CUX2: variants seen among roughly 807,000 people sequenced by gnomAD.
The protein encoded by CUX2 is cut like homeobox 2, also known as homeobox protein cut-like 2.
A neutral mutation model predicts 144.8 loss-of-function variants in CUX2; 40 were observed. The observed-to-expected ratio is 0.28, with a 90% confidence interval of 0.21 to 0.36. CUX2 has a LOEUF of 0.36. Among genes scored for constraint, CUX2 ranks in the 10% least tolerant of loss-of-function variants. CUX2 has a pLI of 1.00. For missense variants in CUX2, 1,615 were observed against 1,994.0 expected, an observed-to-expected ratio of 0.81 and a Z score of 3.62; for synonymous variants, 827 against 875.6, an observed-to-expected ratio of 0.94 and a Z score of 0.98.
At chr12:111,258,281 G>A (rs1230238937) in intron 3 of CUX2, among the ~76,000 whole-genome samples, 1 of 152,214 alleles carries the variant, frequency 6.6e-6, no homozygotes, top group Admixed American at 6.5e-5. Context: ...GGGAGGCCAA[G>A]GCGGGCGGAT....
chr12:111,140,929 C>T (rs55971330), intron 1 of CUX2, among the ~76,000 whole-genome samples: 5,341 of 152,202 alleles, frequency 0.035, 193 homozygotes, highest in Admixed American at 0.1. Context: ...CCTCAGGTGA[C>T]GCCTGCAGGA....
intron 1 of CUX2, among the ~76,000 whole-genome samples, chr12:111,038,555 T>TC (rs1200479726): frequency 6.6e-6 from 1 of 152,236 alleles, no homozygotes; most frequent in African/African-American, 2.4e-5. Flanking sequence ...CCTCTGCCTC[T>TC]CCAAGTCCGT....
chr12:111,134,618 C>CTGTGTGTGTGTG lies in CUX2; in HGVS notation c.64-79581_64-79580insGTGTGTGTGTGT, dbSNP rs773865569. ...TTTCTCTCTCTCTCTCTCTCTCTCT[C>CTGTGTGTGTGTG]TCTGTGTGTGTGTGTGTGTGTGTGT... is the stretch of plus-strand genomic sequence containing the variant. On this transcript the variant is annotated intron_variant, in intron 1 of 21. Transcript: ENST00000261726. Among the ~76,000 whole-genome samples the CTGTGTGTGTGTG allele has an allele frequency of 2.2e-3, 324 of 146,194 alleles. 1 individual carries two copies. Among genetic ancestry groups the CTGTGTGTGTGTG allele is most frequent in the African/African-American group, 8.6e-3 (316 of 36,728 alleles).
rs529361086 is a variant in CUX2 at position 111,052,708 on chromosome 12, C to T, written c.63+18468C>T. 1.6e-4 allele frequency among the ~76,000 whole-genome samples: 25 copies of T among 152,122 alleles called. 2 individuals are homozygous for T. In the South Asian group the frequency reaches 4.2e-3, roughly 25 times the overall value. On this transcript the variant is annotated intron_variant, in intron 1 of 21. Coordinates refer to ENST00000261726, the MANE Select transcript of CUX2 (RefSeq NM_015267.4). ...GGGGATCTGTGTGTGTGTGTCAGTG[C>T]GTGTCTTTGTTTATTTGTGCACCTT...
chr12:111,099,864 C>T (rs1480719402), intron 1 of CUX2: 1 of 430,500 alleles, frequency 2.3e-6, no homozygotes, highest in Non-Finnish European at 4.7e-6. Flanking sequence ...GACCGTCTGG[C>T]TCAATCGAGA....
chr12:111,284,940 C>T (rs1241703893), intron 4 of CUX2, among the ~76,000 whole-genome samples: 1 of 152,130 alleles, frequency 6.6e-6, no homozygotes, highest in Non-Finnish European at 1.5e-5. Flanking sequence ...TGCAGGAGTC[C>T]ACCCCTCCTG....
intron 21 of CUX2, among the ~76,000 whole-genome samples, chr12:111,347,082 C>T (rs2136457867): frequency 6.6e-6 from 1 of 152,294 alleles, no homozygotes; most frequent in East Asian, 1.9e-4. Context: ...TTAATGAGAT[C>T]TTTCACTTTG....
intron 1 of CUX2, among the ~76,000 whole-genome samples, chr12:111,201,658 C>T (rs1880606903): frequency 1.3e-5 from 2 of 152,186 alleles, no homozygotes; most frequent in South Asian, 2.1e-4. Flanking sequence ...AAATGCTTCC[C>T]TACCTGGCAC....
At chr12:111,294,972 A>G (rs1488555923) in intron 6 of CUX2, among the ~76,000 whole-genome samples, 2 of 152,154 alleles carry the variant, frequency 1.3e-5, no homozygotes, top group Non-Finnish European at 2.9e-5. Context: ...ATATTGCAGA[A>G]CTATTGGGGG....
At chr12:111,329,686 A>AGTGCAGTGGCGCAATCCCG (rs1433381814) in intron 18 of CUX2, among the ~76,000 whole-genome samples, 2 of 152,090 alleles carry the variant, frequency 1.3e-5, no homozygotes, top group Non-Finnish European at 2.9e-5. Context: ...CCTAGGCTGG[A>AGTGCAGTGGCGCAATCCCG]GTGCAGTGGC....
At chr12:111,206,955 A>G (rs958426907) in intron 1 of CUX2, among the ~76,000 whole-genome samples, 6 of 152,236 alleles carry the variant, frequency 3.9e-5, no homozygotes, top group African/African-American at 1.4e-4. Flanking sequence ...GGATGAATGC[A>G]TAAATGGATG....
intron 1 of CUX2, among the ~76,000 whole-genome samples, chr12:111,143,199 A>G (rs1488565604): frequency 1.3e-5 from 2 of 152,170 alleles, no homozygotes; most frequent in African/African-American, 2.4e-5. Context: ...GGGGGGCCAC[A>G]TGACTCCTTG....
At chr12:111,078,253 A>G (rs1871644031) in intron 1 of CUX2, among the ~76,000 whole-genome samples, 1 of 152,192 alleles carries the variant, frequency 6.6e-6, no homozygotes, top group East Asian at 1.9e-4. Context: ...TAGAGTTTCC[A>G]TTCTGGTGGG....
At position 111,246,219 on chromosome 12, in the gene CUX2, C is replaced by T. The variant is rs940473512; in HGVS notation, c.223-17542C>T. Among the ~76,000 whole-genome samples, 4 of 152,156 alleles carry T rather than the reference C, an allele frequency of 2.6e-5. No homozygotes were observed. Among genetic ancestry groups the T allele is most frequent in the Admixed American group, 6.5e-5 (1 of 15,286 alleles). ...GTGACACAGAGATTCATATAGTGAA[C>T]GCCACCATCAGTGACACTGATTGCA... On this transcript the variant is annotated intron_variant, in intron 3 of 21. Transcript: ENST00000261726. This position sits in a 1 kb window ranked among gnomAD's most constrained non-coding sequence, Gnocchi z 4.0.
At chr12:111,203,717 GA>G (rs937375277) in intron 1 of CUX2, among the ~76,000 whole-genome samples, 1 of 152,112 alleles carries the variant, frequency 6.6e-6, no homozygotes, top group African/African-American at 2.4e-5. Context: ...AACAGGATAT[GA>G]GTTGGGTTTA....
Position 111,320,895 on chromosome 12 carries a change from G to C in CUX2, c.2766+120G>C. 1 of 1,106,924 alleles carries C rather than the reference G, an allele frequency of 9.0e-7. No individual in the cohort carries two copies. The highest frequency in any genetic ancestry group is 2.0e-5 in the South Asian group (1 of 50,728). 68.6% of individuals were successfully genotyped at this position (1,106,924 alleles called of 1,614,324 possible). On this transcript the variant is annotated intron_variant, in intron 17 of 21. Coordinates refer to ENST00000261726, the MANE Select transcript of CUX2 (RefSeq NM_015267.4). The surrounding 1 kb of genome is among the most constrained non-coding windows in gnomAD (Gnocchi z 8.1). The stretch of plus-strand genomic sequence containing the variant: ...CCCAGGCCCTTCATTCCTGAGTCCT[G>C]CTGTCCCTGGGTCCCGCAGGAAGGA...
rs139627962 is a variant in CUX2 at position 111,123,305 on chromosome 12, C to G, written c.63+89065C>G. Among the ~76,000 whole-genome samples, 264 of 152,322 alleles carry G rather than the reference C, an allele frequency of 1.7e-3. 3 individuals carry two copies. In the South Asian group the frequency reaches 0.027, roughly 16 times the overall value. ...TCAAGTGATTTTCGTGCCTCAGCCTCCCAAATAGCTGGGATTACAGGTGCA... is the reference window on the plus strand; with the variant it reads ...TCAAGTGATTTTCGTGCCTCAGCCTGCCAAATAGCTGGGATTACAGGTGCA... On this transcript the variant is annotated intron_variant, in intron 1 of 21. Transcript: ENST00000261726.
rs1383377960 is a variant in CUX2 at position 111,176,884 on chromosome 12, C to T, written c.64-37316C>T. ...GTCCTTTGAGATCCAGTTTTCTCAA[C>T]CTCGCACATGAAGGGCATTTTGGAC... On this transcript the variant is annotated intron_variant, in intron 1 of 21. Transcript: ENST00000261726. Among the ~76,000 whole-genome samples the T allele has an allele frequency of 4.6e-5, 7 of 152,204 alleles. No homozygotes were observed. The East Asian group carries it at 1.3e-3, about 29-fold the overall frequency.
intron 3 of CUX2, among the ~76,000 whole-genome samples, chr12:111,224,900 T>C (rs995207463): frequency 1.3e-5 from 2 of 152,124 alleles, no homozygotes; most frequent in African/African-American, 2.4e-5. Flanking sequence ...TTTCCTCTGC[T>C]TTTACTTTTC....
Sources: gnomAD v4.1 joint callset for allele counts (sites outside exome capture counted in the v4.1 genomes callset) on GRCh38, gnomAD v4.1.1 for gene constraint, Gnocchi (gnomAD v3.1) non-coding constraint, MANE v1.5 for transcripts, NCBI Gene and HGNC (gene_info 2026-07-23, HGNC 2026-07-21) for gene names.